Variants in PARP9 observed in about 807,000 individuals in gnomAD.
The protein encoded by PARP9 is protein mono-ADP-ribosyltransferase PARP9.
In PARP9, 48 loss-of-function variants were observed where a neutral mutation model predicts 68.8. That is an observed-to-expected ratio of 0.70 (90% CI 0.55 to 0.89). The LOEUF (loss-of-function observed/expected upper bound fraction) is 0.89, where lower values mean the gene tolerates loss of function less well. Among genes scored for constraint, PARP9 ranks in the 40% least tolerant of loss-of-function variants. The probability of loss-of-function intolerance (pLI) is 0.00; values close to 1 mark genes in which losing one functional copy is unlikely to be tolerated. For missense variants in PARP9, 806 were observed against 969.3 expected (o/e 0.83, Z 2.24); for synonymous variants, 309 against 333.8 (o/e 0.93, Z 0.81).
chr3:122,529,959 A>G (rs981795795), intron 10 of PARP9, among the ~76,000 whole-genome samples: 2 of 151,880 alleles, frequency 1.3e-5, no homozygotes, highest in Non-Finnish European at 1.5e-5. Flanking sequence ...GGGAGGCCAA[A>G]GTGGGTGGAT....
At chr3:122,560,228 A>T (rs142338568) in intron 1 of PARP9, among the ~76,000 whole-genome samples, 1 of 152,224 alleles carries the variant, frequency 6.6e-6, no homozygotes, top group Non-Finnish European at 1.5e-5. Context: ...GTTAAAAGTC[A>T]GAAAATCTGG....
chr3:122,528,056 T>A lies in PARP9; in HGVS notation c.*308A>T, dbSNP rs1298893919. Reference sequence around the variant, plus strand: ...TAGAAAATAAAAGGCCTGCGTTATATACTAGAAAAATTTCTTCATTATATG... The same window carrying A: ...TAGAAAATAAAAGGCCTGCGTTATAAACTAGAAAAATTTCTTCATTATATG... On this transcript the variant is annotated 3_prime_UTR_variant, in exon 11 of 11. Transcript: ENST00000682323. 1.0e-5 allele frequency: 2 copies of A among 200,570 alleles called. No individual in the cohort carries two copies. The highest frequency in any genetic ancestry group is 2.0e-5 in the Non-Finnish European group (2 of 99,764). 12.4% of individuals were successfully genotyped at this position (200,570 alleles called of 1,614,324 possible). A position where few individuals can be genotyped will look rare whatever the true frequency, so the allele number is the denominator to read the frequency against.
chr3:122,554,781 T>G (rs1279755250), intron 4 of PARP9, among the ~76,000 whole-genome samples: 1 of 152,184 alleles, frequency 6.6e-6, no homozygotes, highest in Non-Finnish European at 1.5e-5. Flanking sequence ...TCTGTTGCCC[T>G]GGCAGGAATC....
intron 6 of PARP9, chr3:122,545,919 C>T (rs2078666216): frequency 6.0e-6 from 1 of 165,346 alleles, no homozygotes; most frequent in Non-Finnish European, 1.3e-5. Flanking sequence ...ATAAAATAAT[C>T]TGTTTTATGT....
At chr3:122,537,837 T>G (rs2077768067) in intron 8 of PARP9, among the ~76,000 whole-genome samples, 1 of 151,982 alleles carries the variant, frequency 6.6e-6, no homozygotes, top group East Asian at 1.9e-4. Context: ...CCTTCCTTCC[T>G]TCCTCCTTCC....
intron 10 of PARP9, chr3:122,533,913 G>A (rs550824646): frequency 1.0e-6 from 1 of 985,336 alleles, no homozygotes; most frequent in African/African-American, 1.7e-5. Flanking sequence ...AAAGCTAAGA[G>A]CTTTTGTACT....
At position 122,554,486 on chromosome 3, in the gene PARP9, C is replaced by T. The variant is rs1391447125; in HGVS notation, c.885+800G>A. ...TTGGGATCAAAGATTGTTCTAATTC[C>T]TCCGGGTGCCTAAGATAATAGCAAC... On this transcript the variant is annotated intron_variant, in intron 4 of 10. Transcript: ENST00000682323. Among the ~76,000 whole-genome samples the T allele has an allele frequency of 3.3e-5, 5 of 152,102 alleles. No homozygotes were observed. In the East Asian group the frequency reaches 9.6e-4, roughly 29 times the overall value.
At chr3:122,548,549 C>T (rs1188620426) in intron 6 of PARP9, among the ~76,000 whole-genome samples, 2 of 152,160 alleles carry the variant, frequency 1.3e-5, no homozygotes, top group Admixed American at 6.5e-5. Context: ...CTCGAAAATG[C>T]CAGCTAAGTG....
At chr3:122,561,948 T>C (rs1323546569) in intron 1 of PARP9, among the ~76,000 whole-genome samples, 1 of 150,916 alleles carries the variant, frequency 6.6e-6, no homozygotes, top group African/African-American at 2.4e-5. Flanking sequence ...AAATCCATAC[T>C]TTATCTCCTG....
At chr3:122,529,596 A>T (rs2077159960) in intron 10 of PARP9, among the ~76,000 whole-genome samples, 2 of 151,708 alleles carry the variant, frequency 1.3e-5, no homozygotes, top group Admixed American at 6.6e-5. Context: ...TAAAAAAAAT[A>T]CAAAAAAATT....
intron 8 of PARP9, among the ~76,000 whole-genome samples, chr3:122,540,199 C>A (rs944471367): frequency 1.3e-5 from 2 of 152,170 alleles, no homozygotes; most frequent in African/African-American, 4.8e-5. Context: ...TTGAGTTTTA[C>A]CACTGCCAAA....
intron 8 of PARP9, among the ~76,000 whole-genome samples, chr3:122,537,763 C>T (rs759719709): frequency 2.6e-5 from 4 of 151,992 alleles, no homozygotes; most frequent in Non-Finnish European, 4.4e-5. Context: ...TTTTTCCTCC[C>T]TTCCTCCTTT....
rs1360791235 is a variant in PARP9 at position 122,555,482 on chromosome 3, C to A, written c.689G>T (p.Gly230Val). 1 of 1,614,020 alleles carries A rather than the reference C, an allele frequency of 6.2e-7. No homozygotes were observed. The highest frequency in any genetic ancestry group is 8.5e-7 in the Non-Finnish European group (1 of 1,180,040). ...TTTCAAATTACTCATCATTGGCTTCCCTTGCAAACTAACCCGGATAGTCTC... is the reference window on the plus strand; with the variant it reads ...TTTCAAATTACTCATCATTGGCTTCACTTGCAAACTAACCCGGATAGTCTC... ...IVETIRVSLQ[G>V]KPMMSNLKEI... is the part of the protein sequence containing the mutation. Residue 230 changes from glycine to valine, a missense_variant, in exon 4 of 11, where the codon GGG (glycine) becomes GTG (valine). Gly to Val is a moderately radical substitution (Grantham distance 109). Transcript: ENST00000682323.
chr3:122,554,693 T>C (rs2079488313), intron 4 of PARP9, among the ~76,000 whole-genome samples: 1 of 152,210 alleles, frequency 6.6e-6, no homozygotes, highest in African/African-American at 2.4e-5. Context: ...GCAAAGCTGG[T>C]ATTCAAATCC....
At chr3:122,551,064 T>G (rs955330159) in intron 5 of PARP9, among the ~76,000 whole-genome samples, 1 of 152,186 alleles carries the variant, frequency 6.6e-6, no homozygotes, top group Non-Finnish European at 1.5e-5. Flanking sequence ...CCAGTTTATA[T>G]AGCCTTACCC....
chr3:122,545,725 T>C (rs2078653308), intron 6 of PARP9: 2 of 524,878 alleles, frequency 3.8e-6, no homozygotes, highest in East Asian at 3.0e-5. Flanking sequence ...CTGGTATAAA[T>C]AAAGAAGACT....
intron 1 of PARP9, among the ~76,000 whole-genome samples, chr3:122,563,822 C>T (rs2080445505): frequency 6.6e-6 from 1 of 152,132 alleles, no homozygotes. Flanking sequence ...CCTCCCCTCA[C>T]CAGCCCTTGA....
At chr3:122,550,071 T>TTTTTG (rs781444727) in intron 6 of PARP9, among the ~76,000 whole-genome samples, 13 of 152,110 alleles carry the variant, frequency 8.5e-5, no homozygotes, top group South Asian at 2.1e-4. Flanking sequence ...GCTTCTTTGT[T>TTTTTG]TTTTGTTTTG....
At position 122,540,623 on chromosome 3, in the gene PARP9, G is replaced by C; in HGVS notation, c.1614C>G (p.Ile538Met). The change falls in exon 8 of 11, where the codon ATC becomes ATG. Residue 538 changes from isoleucine (I) to methionine (M), a missense_variant. Ile to Met is a conservative substitution (Grantham distance 10, BLOSUM62 1). Transcript: ENST00000682323. ...TCCTTCCTGGGCTGATAATTTCTGT[G>C]ATGGAGACACTTGAAGTTTTCTGAA... ...SQLQKTSSVS[I>M]TEIISPGRTE... The C allele has an allele frequency of 1.2e-6, 2 of 1,613,992 alleles. No individual in the cohort carries two copies. The highest frequency in any genetic ancestry group is 2.2e-5 in the East Asian group (1 of 44,898).
Sources: gnomAD v4.1 joint callset for allele counts (sites outside exome capture counted in the v4.1 genomes callset) on GRCh38, gnomAD v4.1.1 for gene constraint, MANE v1.5 for transcripts, NCBI Gene and HGNC (gene_info 2026-07-23, HGNC 2026-07-21) for gene names.